The following CFAP20DC variants were observed in gnomAD, a reference collection of about 807,000 sequenced individuals.
CFAP20DC encodes CFAP20 domain containing.
CFAP20DC carries 84 observed loss-of-function variants against 101.7 expected under a neutral mutation model. The observed-to-expected ratio is 0.83, with a 90% CI of 0.69 to 0.99. The LOEUF (loss-of-function observed/expected upper bound fraction) is 0.99. Among genes scored for constraint, CFAP20DC ranks in the 50% least tolerant of loss-of-function variants. The pLI, the probability that CFAP20DC is intolerant of heterozygous loss-of-function variation, is 0.00. For missense variants in CFAP20DC, 1,007 were observed against 970.3 expected (o/e 1.04, Z -0.50); for synonymous variants, 359 against 351.2 (o/e 1.02, Z -0.25).
intron 12 of CFAP20DC, among the ~76,000 whole-genome samples, chr3:58,849,755 A>G (rs915469993): frequency 2.0e-5 from 3 of 152,166 alleles, no homozygotes; most frequent in Non-Finnish European, 4.4e-5. Flanking sequence ...ACATCTAAGA[A>G]TCGTATACTT....
rs2067513089 is a variant in CFAP20DC at position 58,724,115 on chromosome 3, G to A, written c.198-6487C>T. ...TGCTCCATGCTGTGGAGGGGCCTGG[G>A]GAATTCTCAAGTTGGTTTGTGGGGG... On this transcript the variant is annotated intron_variant, in intron 3 of 3. Transcript: ENST00000486145. The surrounding 1 kb of genome is among the most constrained non-coding windows in gnomAD (Gnocchi z 5.6). Among the ~76,000 whole-genome samples the A allele has an allele frequency of 6.6e-6, 1 of 152,130 alleles. No individual in the cohort carries two copies. The highest frequency in any genetic ancestry group is 1.5e-5 in the Non-Finnish European group (1 of 68,024).
intron 4 of CFAP20DC, among the ~76,000 whole-genome samples, chr3:58,942,282 G>C (rs1206528587): frequency 1.3e-5 from 2 of 152,212 alleles, no homozygotes; most frequent in Non-Finnish European, 2.9e-5. Context: ...ATATGTGCCA[G>C]CAGATGGCTG....
At chr3:58,887,026 T>C (rs898289718) in intron 6 of CFAP20DC, among the ~76,000 whole-genome samples, 5 of 152,222 alleles carry the variant, frequency 3.3e-5, no homozygotes, top group African/African-American at 9.6e-5. Context: ...ATCCTAGCCA[T>C]GACATTTTTC....
At chr3:58,866,347 A>G (rs1024287232) in intron 11 of CFAP20DC, among the ~76,000 whole-genome samples, 2 of 152,192 alleles carry the variant, frequency 1.3e-5, no homozygotes, top group Non-Finnish European at 2.9e-5. Context: ...TTTCATTCTG[A>G]ACAGGATGAC....
intron 4 of CFAP20DC, among the ~76,000 whole-genome samples, chr3:59,011,627 G>A (rs1287757274): frequency 6.6e-6 from 1 of 151,938 alleles, no homozygotes; most frequent in Non-Finnish European, 1.5e-5. Context: ...AGAATTAAAC[G>A]AAATGGAAAC....
chr3:58,946,931 C>A (rs775179620), intron 4 of CFAP20DC, among the ~76,000 whole-genome samples: 1 of 152,178 alleles, frequency 6.6e-6, no homozygotes, highest in Non-Finnish European at 1.5e-5. Context: ...TTCCTCCCAA[C>A]AACTCTTTGA....
chr3:58,842,421 C>T (rs1424450450), intron 13 of CFAP20DC, among the ~76,000 whole-genome samples: 3 of 152,120 alleles, frequency 2.0e-5, no homozygotes, highest in Non-Finnish European at 4.4e-5. Context: ...CCTGGAAAAT[C>T]GGGTCACTCC....
chr3:58,823,711 G>C lies in CFAP20DC; in HGVS notation c.2175+7975C>G, dbSNP rs997131309. 2.0e-5 allele frequency among the ~76,000 whole-genome samples: 3 copies of C among 152,082 alleles called. 1 individual carries two copies. The South Asian group carries it at 6.2e-4, about 32-fold the overall frequency. On this transcript the variant is annotated intron_variant, in intron 14 of 16. Transcript: ENST00000482387. ...TTATTCCAGCTCGAGAGTGCATCTAGAGTGGTGACTATTTAAGTTTTTGAA... is the reference window on the plus strand; with the variant it reads ...TTATTCCAGCTCGAGAGTGCATCTACAGTGGTGACTATTTAAGTTTTTGAA...
intron 6 of CFAP20DC, among the ~76,000 whole-genome samples, chr3:58,908,376 C>G (rs902023152): frequency 1.3e-5 from 2 of 152,156 alleles, no homozygotes; most frequent in African/African-American, 4.8e-5. Flanking sequence ...TCTCATCCTT[C>G]TAATATGATT....
intron 4 of CFAP20DC, among the ~76,000 whole-genome samples, chr3:58,983,131 G>A (rs562038377): frequency 3.9e-5 from 6 of 152,126 alleles, no homozygotes; most frequent in Non-Finnish European, 5.9e-5. Flanking sequence ...AGCTCAAAAT[G>A]ATAAATCATT....
At chr3:58,796,887 T>G (rs931948646) in intron 15 of CFAP20DC, among the ~76,000 whole-genome samples, 1 of 152,210 alleles carries the variant, frequency 6.6e-6, no homozygotes, top group African/African-American at 2.4e-5. Flanking sequence ...CGGTGATACG[T>G]GACAGTGATC....
chr3:58,834,371 T>G (rs1292083747), intron 13 of CFAP20DC, among the ~76,000 whole-genome samples: 1 of 152,204 alleles, frequency 6.6e-6, no homozygotes, highest in Non-Finnish European at 1.5e-5. Context: ...AGTTGGCTCA[T>G]CATTGCCAAT....
At chr3:58,896,446 T>G (rs2082675443) in intron 6 of CFAP20DC, among the ~76,000 whole-genome samples, 1 of 152,208 alleles carries the variant, frequency 6.6e-6, no homozygotes, top group South Asian at 2.1e-4. Context: ...TGTTTGCTCT[T>G]GTTTCTCTAG....
chr3:58,986,921 A>G (rs1485166016), intron 4 of CFAP20DC, among the ~76,000 whole-genome samples: 2 of 152,168 alleles, frequency 1.3e-5, no homozygotes, highest in Non-Finnish European at 2.9e-5. Flanking sequence ...CTTCTTTAGA[A>G]CTTCAGAGAA....
rs1868160 is a variant in CFAP20DC, at chr3:58,990,381, C to T, written c.278+49176G>A. On this transcript the variant is annotated intron_variant, in intron 4 of 16. Coordinates refer to ENST00000482387, the MANE Select transcript of CFAP20DC (RefSeq NM_001394063.1). ...TTTGTATACGTGTATTAAAAATGCC[C>T]GGTTTTTGTCTTGTTGCTAGAGAAA... Among the ~76,000 whole-genome samples, 1,153 of 152,162 alleles carry T rather than the reference C, an allele frequency of 7.6e-3. 15 individuals are homozygous for T. Among genetic ancestry groups the T allele is most frequent in the African/African-American group, 0.025 (1,027 of 41,490 alleles).
chr3:58,852,968 A>G (rs569802671), intron 12 of CFAP20DC, among the ~76,000 whole-genome samples: 3 of 152,304 alleles, frequency 2.0e-5, no homozygotes, highest in Admixed American at 6.5e-5. Flanking sequence ...AGCAGAAGGC[A>G]AGAAATAACT....
At chr3:58,849,495 A>G in intron 12 of CFAP20DC, 86 bp from the exon 13 acceptor site, 1 of 1,021,768 alleles carries the variant, frequency 9.8e-7, no homozygotes, top group Non-Finnish European at 1.4e-6. Context: ...ATAAATTCAT[A>G]TTTTCTATGA....
At position 58,937,835 on chromosome 3, in the gene CFAP20DC, A is replaced by C; in HGVS notation, c.279-73T>G. 4 of 830,378 alleles carry C rather than the reference A, an allele frequency of 4.8e-6. No homozygotes were observed. The South Asian group carries it at 6.1e-5, about 13-fold the overall frequency. The allele number at this position is 830,378 out of a possible 1,614,324, so 51.4% of individuals were successfully genotyped here. On this transcript the variant is annotated intron_variant, in intron 4 of 16. Coordinates refer to ENST00000482387, the MANE Select transcript of CFAP20DC (RefSeq NM_001394063.1). Reference sequence around the variant, plus strand: ...AACCACTTCTTTGGATAATCATCAAAATGATATAATTTATCATACAGACCC... The same window carrying C: ...AACCACTTCTTTGGATAATCATCAACATGATATAATTTATCATACAGACCC...
At chr3:58,948,432 T>C (rs2089648567) in intron 4 of CFAP20DC, among the ~76,000 whole-genome samples, 1 of 152,236 alleles carries the variant, frequency 6.6e-6, no homozygotes, top group Non-Finnish European at 1.5e-5. Flanking sequence ...AATTTTTTCA[T>C]TCCCCTTTGT....
Sources: gnomAD v4.1 joint callset for allele counts (sites outside exome capture counted in the v4.1 genomes callset) on GRCh38, gnomAD v4.1.1 for gene constraint, Gnocchi (gnomAD v3.1) non-coding constraint, MANE v1.5 for transcripts, NCBI Gene and HGNC (gene_info 2026-07-23, HGNC 2026-07-21) for gene names.